SMAD7: variants seen among roughly 807,000 people sequenced by gnomAD.
The protein encoded by SMAD7 is MAD (mothers against decapentaplegic, Drosophila) homolog 7.
SMAD7 carries 8 observed loss-of-function variants against 38.7 expected under a neutral mutation model. That is an observed-to-expected ratio of 0.21 (90% confidence interval 0.12 to 0.37). SMAD7 has a LOEUF of 0.37. Ranked by LOEUF, SMAD7 falls within the 10% of genes least tolerant of loss-of-function variation. SMAD7 has a pLI of 1.00. For synonymous variants in SMAD7, 327 were observed against 265.1 expected, an observed-to-expected ratio of 1.23 and a Z score of -2.27; for missense variants, 477 against 577.9, an observed-to-expected ratio of 0.83 and a Z score of 1.79.
At position 48,936,077 on chromosome 18, in the gene SMAD7, A is replaced by AAC. The variant is rs74174732; in HGVS notation, c.742+6402_742+6403dup. ...GTGACAGAGTGAGACTCCATCTCAA[A>AAC]ACACACACACACACACACACACACA... is the stretch of plus-strand genomic sequence containing the variant. On this transcript the variant is annotated intron_variant, in intron 3 of 3. Transcript: ENST00000262158. 6.9e-3 allele frequency among the ~76,000 whole-genome samples: 553 copies of AAC among 79,576 alleles called. 4 individuals are homozygous for AAC. The highest frequency in any genetic ancestry group is 0.027 in the South Asian group (49 of 1,832). 52.2% of individuals were successfully genotyped at this position (79,576 alleles called of 152,430 possible). A position where few individuals can be genotyped will look rare whatever the true frequency, so the allele number is the denominator to read the frequency against.
At chr18:48,931,880 C>G (rs2143779617) in intron 3 of SMAD7, among the ~76,000 whole-genome samples, 1 of 152,330 alleles carries the variant, frequency 6.6e-6, no homozygotes, top group East Asian at 1.9e-4. Flanking sequence ...CTCCCAGCCC[C>G]CTCCTGGGAC....
At chr18:48,940,765 G>A (rs764444291) in intron 3 of SMAD7, among the ~76,000 whole-genome samples, 6 of 148,878 alleles carry the variant, frequency 4.0e-5, no homozygotes, top group Admixed American at 6.7e-5. Flanking sequence ...AGCCGAAATC[G>A]CGCCACTGCA....
At chr18:48,923,467 AGTTGTT>A (rs138772241) in intron 3 of SMAD7, among the ~76,000 whole-genome samples, 85 of 151,950 alleles carry the variant, frequency 5.6e-4, no homozygotes, top group Middle Eastern at 3.4e-3. Flanking sequence ...GGCTCCACTC[AGTTGTT>A]GTTGTTGTTG....
chr18:48,942,705 C>T (rs1460424362), intron 2 of SMAD7, 150 bp from the exon 3 acceptor site: 1 of 1,527,280 alleles, frequency 6.5e-7, no homozygotes, highest in Non-Finnish European at 8.7e-7. Context: ...TAATGGTCTG[C>T]TCAGGCTTCA....
intron 2 of SMAD7, chr18:48,942,839 C>A: frequency 8.3e-7 from 1 of 1,201,648 alleles, no homozygotes; most frequent in East Asian, 4.9e-5. Context: ...ACCAGTCCCC[C>A]ATTACGGATA....
At chr18:48,926,452 CTG>C (rs1470524616) in intron 3 of SMAD7, among the ~76,000 whole-genome samples, 1 of 152,256 alleles carries the variant, frequency 6.6e-6, no homozygotes, top group Admixed American at 6.5e-5. Context: ...GCTCTCATCT[CTG>C]TGAGGCACTT....
chr18:48,931,305 T>A (rs2069997532), intron 3 of SMAD7, among the ~76,000 whole-genome samples: 1 of 152,206 alleles, frequency 6.6e-6, no homozygotes, highest in Non-Finnish European at 1.5e-5. Flanking sequence ...ATTGTTAATA[T>A]GGTATATTTT....
At position 48,921,024 on chromosome 18, in the gene SMAD7, ACACT is replaced by A. The variant is rs145497223; in HGVS notation, c.*344_*347del. ...CGCGTGCACACACAGCCGCACACTC[ACACT>A]CACACACACTCCTGACAAGTGAAAT... is the stretch of plus-strand genomic sequence containing the variant. On this transcript the variant is annotated 3_prime_UTR_variant, in exon 4 of 4. Transcript: ENST00000262158. This position sits in a 1 kb window ranked among gnomAD's most constrained non-coding sequence, Gnocchi z 6.4. 8.7e-5 allele frequency: 25 copies of A among 287,218 alleles called. No homozygotes were observed. Among genetic ancestry groups the A allele is most frequent in the East Asian group, 7.5e-4 (9 of 11,962 alleles). 17.8% of individuals were successfully genotyped at this position (287,218 alleles called of 1,614,324 possible).
At chr18:48,926,941 C>T (rs2069935790) in intron 3 of SMAD7, among the ~76,000 whole-genome samples, 1 of 152,214 alleles carries the variant, frequency 6.6e-6, no homozygotes, top group African/African-American at 2.4e-5. Context: ...GCCAAACCAT[C>T]ATAATTCACA....
At chr18:48,924,179 T>G (rs1021630638) in intron 3 of SMAD7, among the ~76,000 whole-genome samples, 24 of 126,592 alleles carry the variant, frequency 1.9e-4, no homozygotes, top group African/African-American at 7.2e-4. Flanking sequence ...AAACCTGGCC[T>G]GGAAAGGAAG....
chr18:48,935,150 C>T (rs559203714), intron 3 of SMAD7, among the ~76,000 whole-genome samples: 2 of 152,258 alleles, frequency 1.3e-5, no homozygotes, highest in East Asian at 3.9e-4. Context: ...CAGGTGAACC[C>T]ACAGAGAGAA....
At position 48,929,226 on chromosome 18, in the gene SMAD7, G is replaced by A. The variant is rs1246665242; in HGVS notation, c.743-7316C>T. On this transcript the variant is annotated intron_variant, in intron 3 of 3. Transcript: ENST00000262158. ...ACTGTTACCCCCCAAGTAACTCAGA[G>A]CAGCTCTCTTCAGAAAGGGGGTTCA... Among the ~76,000 whole-genome samples, 5 of 152,178 alleles carry A rather than the reference G, an allele frequency of 3.3e-5. No individual in the cohort carries two copies. In the East Asian group the frequency reaches 9.6e-4, roughly 29 times the overall value.
chr18:48,930,724 CAT>C (rs1176100404), intron 3 of SMAD7, among the ~76,000 whole-genome samples: 1 of 151,220 alleles, frequency 6.6e-6, no homozygotes, highest in Non-Finnish European at 1.5e-5. Flanking sequence ...TGTGCCGACA[CAT>C]GAGGCACAAG....
chr18:48,925,087 G>A (rs1014935632), intron 3 of SMAD7, among the ~76,000 whole-genome samples: 4 of 152,196 alleles, frequency 2.6e-5, no homozygotes, highest in East Asian at 1.9e-4. Flanking sequence ...GCCACGTGTC[G>A]AGGGGCTGGG....
At chr18:48,929,716 G>T (rs187977967) in intron 3 of SMAD7, among the ~76,000 whole-genome samples, 46 of 152,008 alleles carry the variant, frequency 3.0e-4, no homozygotes, top group African/African-American at 8.7e-4. Flanking sequence ...GTGGTGGGGG[G>T]GCTCTGTGTG....
chr18:48,933,191 CAGA>C (rs1048901183), intron 3 of SMAD7, among the ~76,000 whole-genome samples: 4 of 152,178 alleles, frequency 2.6e-5, no homozygotes, highest in African/African-American at 9.7e-5. Context: ...ACAACCAAAG[CAGA>C]AGTAGAAGTG....
chr18:48,928,873 A>G (rs1354362956), intron 3 of SMAD7, among the ~76,000 whole-genome samples: 1 of 152,162 alleles, frequency 6.6e-6, no homozygotes, highest in Non-Finnish European at 1.5e-5. Flanking sequence ...GGCACGGGGC[A>G]GGGGAGGAAA....
chr18:48,946,717 C>T lies in SMAD7; in HGVS notation c.667+1667G>A, dbSNP rs539866620. 2.0e-5 allele frequency among the ~76,000 whole-genome samples: 3 copies of T among 152,316 alleles called. No homozygotes were observed. In the East Asian group the frequency reaches 5.8e-4, roughly 29 times the overall value. On this transcript the variant is annotated intron_variant, in intron 2 of 3. Transcript: ENST00000262158. Reference sequence around the variant, plus strand: ...GGCTTCTCTGTTTACACACATTTTGCTACCTAATGTCAACACTTGCTAATG... The same window carrying T: ...GGCTTCTCTGTTTACACACATTTTGTTACCTAATGTCAACACTTGCTAATG...
intron 3 of SMAD7, among the ~76,000 whole-genome samples, chr18:48,922,381 G>A (rs972861941): frequency 3.9e-5 from 6 of 152,148 alleles, no homozygotes; most frequent in East Asian, 1.9e-4. Flanking sequence ...AAAGCCTGCT[G>A]CTGGAGTACC....
Sources: allele counts gnomAD v4.1 joint callset (sites outside exome capture counted in the v4.1 genomes callset), GRCh38; gene constraint gnomAD v4.1.1; non-coding constraint Gnocchi (gnomAD v3.1); transcripts MANE v1.5; gene names NCBI Gene and HGNC (gene_info 2026-07-23, HGNC 2026-07-21).